Variants in ZNF487 observed in about 807,000 individuals in gnomAD.
The protein encoded by ZNF487 is KRAB domain only 1.
ZNF487 carries 4 observed loss-of-function variants against 3.0 expected under a neutral mutation model. That is an observed-to-expected ratio of 1.35 (90% CI 0.66 to 3.08). The LOEUF (loss-of-function observed/expected upper bound fraction) is 3.08, where lower values mean the gene tolerates loss of function less well. Ranked by LOEUF, ZNF487 falls within the 30% of genes most tolerant of loss-of-function variation. The pLI is 0.01. For missense variants in ZNF487, 146 were observed against 98.7 expected (o/e 1.48, Z -2.03); for synonymous variants, 55 against 34.6 (o/e 1.59, Z -2.06).
At chr10:43,498,529 C>T in the ZNF487 span, among the ~76,000 whole-genome samples, 4 of 151,198 alleles carry the variant, frequency 2.6e-5, no homozygotes, top group African/African-American at 4.9e-5. Context: ...CTGCCCACCT[C>T]GGCCTCCCAA....
At chr10:43,517,965 A>G in the ZNF487 span, among the ~76,000 whole-genome samples, 1 of 152,126 alleles carries the variant, frequency 6.6e-6, no homozygotes, top group South Asian at 2.1e-4. Flanking sequence ...GATGCTCCTG[A>G]CCAAGGGTCA....
At chr10:43,439,228 C>A (rs192120999) in intron 1 of ZNF487, among the ~76,000 whole-genome samples, 1 of 150,880 alleles carries the variant, frequency 6.6e-6, no homozygotes, top group Admixed American at 6.6e-5. Context: ...GGTGACAGAA[C>A]GAGATTCCGT....
chr10:43,468,234 A>C (rs2132115257), intron 1 of ZNF487, among the ~76,000 whole-genome samples: 1 of 152,318 alleles, frequency 6.6e-6, no homozygotes, highest in East Asian at 1.9e-4. Flanking sequence ...GATGCTGTGA[A>C]CATTGTTAAG....
chr10:43,476,345 G>A, intron 3 of ZNF487, 143 bp downstream of exon 3: 1 of 590,210 alleles, frequency 1.7e-6, no homozygotes, highest in South Asian at 2.1e-5. Flanking sequence ...AAGAAGAGTT[G>A]GCCTGCTTGC....
intron 1 of ZNF487, among the ~76,000 whole-genome samples, chr10:43,461,738 A>G (rs1382695071): frequency 6.6e-6 from 1 of 152,156 alleles, no homozygotes; most frequent in Non-Finnish European, 1.5e-5. Context: ...TTGCTTGTAA[A>G]ATTACAGCAG....
the ZNF487 span, among the ~76,000 whole-genome samples, chr10:43,509,056 T>C: frequency 6.6e-6 from 1 of 151,680 alleles, no homozygotes; most frequent in Non-Finnish European, 1.5e-5. Flanking sequence ...TAGCTAGGCA[T>C]GGTGGTGCAC....
the ZNF487 span, among the ~76,000 whole-genome samples, chr10:43,498,091 A>ATTTT: frequency 7.2e-5 from 2 of 27,956 alleles, no homozygotes; most frequent in Admixed American, 6.6e-4. Flanking sequence ...ATATATATAT[A>ATTTT]TATATATATT....
intron 3 of ZNF487, 97 bp from the exon 4 acceptor site, chr10:43,481,332 C>CAAA (rs58434594): frequency 2.5e-5 from 12 of 484,468 alleles, no homozygotes; most frequent in East Asian, 2.0e-4. Context: ...GACACTGTGC[C>CAAA]AAAAAAAAAA....
intron 1 of ZNF487, among the ~76,000 whole-genome samples, chr10:43,445,776 A>G: frequency 6.6e-6 from 1 of 152,206 alleles, no homozygotes; most frequent in African/African-American, 2.4e-5. Context: ...AGTTCAGCAG[A>G]TAAACATGTG....
At chr10:43,469,534 G>T (rs562220358) in intron 1 of ZNF487, among the ~76,000 whole-genome samples, 48 of 151,966 alleles carry the variant, frequency 3.2e-4, no homozygotes, top group African/African-American at 9.9e-4. Flanking sequence ...AAGAGACAGG[G>T]TCCCTTATGT....
chr10:43,473,045 C>CAA lies in ZNF487; in HGVS notation c.-93-2660_-93-2659dup, dbSNP rs375326367. ...TGTGTGACAAAGCGAGACTCTGTCT[C>CAA]AAAAAAAAAAAAAAAAAGGTTGATC... On this transcript the variant is annotated intron_variant, in intron 1 of 3. Transcript: ENST00000437590. Among the ~76,000 whole-genome samples, 261 of 78,396 alleles carry CAA rather than the reference C, an allele frequency of 3.3e-3. 1 individual carries two copies. Among genetic ancestry groups the CAA allele is most frequent in the Non-Finnish European group, 4.2e-3 (166 of 39,304 alleles). The allele number at this position is 78,396 out of a possible 152,430, so 51.4% of individuals were successfully genotyped here.
chr10:43,465,471 C>T (rs965287935), intron 1 of ZNF487, among the ~76,000 whole-genome samples: 10 of 146,506 alleles, frequency 6.8e-5, no homozygotes, highest in African/African-American at 1.0e-4. Context: ...GCTTCTCAGA[C>T]GGGGCGGCCG....
the ZNF487 span, among the ~76,000 whole-genome samples, chr10:43,506,549 G>C: frequency 6.6e-6 from 1 of 152,116 alleles, no homozygotes; most frequent in Non-Finnish European, 1.5e-5. Flanking sequence ...CACAGTTCCT[G>C]CTTATCCCTG....
chr10:43,450,342 C>A (rs950378850), intron 1 of ZNF487, among the ~76,000 whole-genome samples: 2 of 151,748 alleles, frequency 1.3e-5, no homozygotes, highest in African/African-American at 4.8e-5. Context: ...GCCACCAAGC[C>A]CGGCCTCTTT....
At chr10:43,438,886 G>T (rs1839476603) in intron 1 of ZNF487, among the ~76,000 whole-genome samples, 1 of 152,006 alleles carries the variant, frequency 6.6e-6, no homozygotes, top group East Asian at 1.9e-4. Flanking sequence ...TTCCAGACCA[G>T]CCTGAGCAAC....
At chr10:43,469,811 G>A (rs920855030) in intron 1 of ZNF487, among the ~76,000 whole-genome samples, 4 of 152,000 alleles carry the variant, frequency 2.6e-5, no homozygotes, top group African/African-American at 4.8e-5. Flanking sequence ...TTAGGTGGGC[G>A]TGGTGGTGTA....
rs1564428877 is a variant in ZNF487, at chr10:43,480,031, CT to C, written c.131-1395del. Reference sequence around the variant, plus strand: ...TCTTTCTTTCTTTCTTTCTTTCTTTCTTTCTTTCTTTCTTTTTCTTTCTTTC... The same window carrying C: ...TCTTTCTTTCTTTCTTTCTTTCTTTCTTCTTTCTTTCTTTTTCTTTCTTTC... On this transcript the variant is annotated intron_variant, in intron 3 of 3. Transcript: ENST00000437590. 3.9e-4 allele frequency among the ~76,000 whole-genome samples: 32 copies of C among 82,420 alleles called. 1 individual carries two copies. The South Asian group carries it at 0.013, about 33-fold the overall frequency. 54.1% of individuals were successfully genotyped at this position (82,420 alleles called of 152,430 possible).
chr10:43,444,133 G>A (rs551935300), intron 1 of ZNF487, among the ~76,000 whole-genome samples: 3 of 152,244 alleles, frequency 2.0e-5, no homozygotes, highest in South Asian at 2.1e-4. Context: ...GATTACAGGC[G>A]TGAGCCACCG....
At chr10:43,514,502 A>G in the ZNF487 span, among the ~76,000 whole-genome samples, 11 of 152,204 alleles carry the variant, frequency 7.2e-5, no homozygotes, top group African/African-American at 2.7e-4. Context: ...TTTTCTGCTT[A>G]TATAAATTAA....
Sources: allele counts gnomAD v4.1 joint callset (sites outside exome capture counted in the v4.1 genomes callset), GRCh38; gene constraint gnomAD v4.1.1; transcripts MANE v1.5; gene names NCBI Gene and HGNC (gene_info 2026-07-23, HGNC 2026-07-21).